Variants in UGGT2 observed in about 807,000 individuals in gnomAD.
The protein encoded by UGGT2 is UDP-glucose glycoprotein glucosyltransferase 2, also known as UDP-glucose:glycoprotein glucosyltransferase 2.
A neutral mutation model predicts 192.1 loss-of-function variants in UGGT2; 180 were observed. That is an observed-to-expected ratio of 0.94 (90% CI 0.83 to 1.06). UGGT2 has a LOEUF of 1.06. Among genes scored for constraint, UGGT2 ranks in the 50% least tolerant of loss-of-function variants. The probability of loss-of-function intolerance (pLI) is 0.00; values close to 1 mark genes in which losing one functional copy is unlikely to be tolerated. For synonymous variants in UGGT2, 580 were observed against 591.0 expected (o/e 0.98, Z 0.27); for missense variants, 1,849 against 1,795.7 (o/e 1.03, Z -0.54).
At chr13:95,884,406 T>C (rs776087997) in intron 27 of UGGT2, 85 bp downstream of exon 27, 19 of 1,087,224 alleles carry the variant, frequency 1.7e-5, no homozygotes, top group Non-Finnish European at 2.2e-5. Context: ...ATTCATAGTA[T>C]GATTGCTCAC....
chr13:96,026,105 AACTTACAT>A (rs1159776485), intron 2 of UGGT2, among the ~76,000 whole-genome samples: 1 of 152,152 alleles, frequency 6.6e-6, no homozygotes, highest in Admixed American at 6.5e-5. Flanking sequence ...AAAAATAATG[AACTTACAT>A]ACCTAAAACA....
intron 15 of UGGT2, among the ~76,000 whole-genome samples, chr13:95,943,936 C>T (rs974697008): frequency 2.6e-5 from 4 of 151,840 alleles, no homozygotes; most frequent in African/African-American, 7.3e-5. Context: ...CATAATAGTT[C>T]GCTAAACATT....
intron 10 of UGGT2, among the ~76,000 whole-genome samples, chr13:95,978,258 T>C (rs1288946299): frequency 1.3e-5 from 2 of 152,138 alleles, no homozygotes; most frequent in Admixed American, 6.5e-5. Flanking sequence ...CACTATCTCA[T>C]TGTGGTTTTG....
At chr13:96,034,938 A>G (rs954715990) in intron 1 of UGGT2, among the ~76,000 whole-genome samples, 3 of 152,220 alleles carry the variant, frequency 2.0e-5, no homozygotes, top group Admixed American at 2.0e-4. Context: ...CGAGTGGACA[A>G]AAGGAGCACA....
intron 1 of UGGT2, among the ~76,000 whole-genome samples, chr13:96,035,688 A>G (rs1379710018): frequency 6.6e-6 from 1 of 152,176 alleles, no homozygotes; most frequent in Non-Finnish European, 1.5e-5. Flanking sequence ...TGCAAAGTCT[A>G]TAAGGAACTT....
chr13:95,927,311 G>A lies in UGGT2; in HGVS notation c.2003C>T (p.Ala668Val). 1.9e-6 allele frequency: 3 copies of A among 1,607,696 alleles called. No individual in the cohort carries two copies. The highest frequency in any genetic ancestry group is 2.5e-6 in the Non-Finnish European group (3 of 1,178,312). ...FLGTLNDRTN[A>V]IDFLMDRNNV... ...ATTCCTATCCATTAGAAAATCAATT[G>A]CATTCGTGCGATCATTTAATGTGCC... Residue 668 changes from alanine to valine, a missense_variant, in exon 18 of 39, where the codon GCA becomes GTA. Transcript: ENST00000376747.
At chr13:95,836,019 C>T (rs1887238636) in intron 37 of UGGT2, among the ~76,000 whole-genome samples, 1 of 152,106 alleles carries the variant, frequency 6.6e-6, no homozygotes, top group Admixed American at 6.5e-5. Context: ...AATCCACAAA[C>T]ATTTTCAGCT....
At chr13:95,947,929 G>T in intron 14 of UGGT2, 67 bp downstream of exon 14, 1 of 1,352,684 alleles carries the variant, frequency 7.4e-7, no homozygotes, top group Non-Finnish European at 1.0e-6. Flanking sequence ...AATACTCTGT[G>T]TAACACAATA....
intron 38 of UGGT2, among the ~76,000 whole-genome samples, chr13:95,811,707 T>C (rs1305763596): frequency 2.6e-5 from 4 of 152,090 alleles, no homozygotes; most frequent in African/African-American, 7.2e-5. Context: ...GTAAAATGCA[T>C]TATAACAATA....
chr13:96,002,094 A>C lies in UGGT2; in HGVS notation c.661-2787T>G, dbSNP rs188558717. On this transcript the variant is annotated intron_variant, in intron 5 of 38. Coordinates refer to ENST00000376747, the MANE Select transcript of UGGT2 (RefSeq NM_020121.4). ...CAAAGTTATACATATATTTTTTAAC[A>C]ACATGAGGGGTCAGTATCTCTAACT... 1.6e-4 allele frequency among the ~76,000 whole-genome samples: 24 copies of C among 152,334 alleles called. No homozygotes were observed. The South Asian group carries it at 4.8e-3, about 30-fold the overall frequency.
intron 17 of UGGT2, among the ~76,000 whole-genome samples, chr13:95,928,999 C>A (rs2140454845): frequency 6.6e-6 from 1 of 152,306 alleles, no homozygotes. Flanking sequence ...TGGAGACCAG[C>A]CCGGCCAACA....
intron 20 of UGGT2, among the ~76,000 whole-genome samples, chr13:95,918,466 A>C (rs1040801766): frequency 1.2e-4 from 18 of 152,340 alleles, no homozygotes; most frequent in Admixed American, 1.0e-3. Context: ...CTCAATTAAA[A>C]GAACATGAGA....
At position 95,927,351 on chromosome 13, in the gene UGGT2, A is replaced by C; in HGVS notation, c.1978-15T>G. Reference sequence around the variant, plus strand: ...TTTAATGTGCCCTAAAAAAACAAAAATGTTATTTAGATAATACAGGCAATT... The same window carrying C: ...TTTAATGTGCCCTAAAAAAACAAAACTGTTATTTAGATAATACAGGCAATT... On this transcript the variant is annotated splice_polypyrimidine_tract_variant and intron_variant, in intron 17 of 38. Transcript: ENST00000376747. 6.3e-7 allele frequency: 1 copy of C among 1,589,542 alleles called. No individual in the cohort carries two copies.
chr13:95,924,393 C>CATTTTTTT (rs2048947934), intron 20 of UGGT2, among the ~76,000 whole-genome samples: 1 of 63,320 alleles, frequency 1.6e-5, no homozygotes, highest in African/African-American at 4.8e-5. Context: ...TCCCAAACAG[C>CATTTTTTT]TTTTTTTTTT....
chr13:95,866,214 A>T (rs1253515598), intron 30 of UGGT2, among the ~76,000 whole-genome samples: 3 of 152,218 alleles, frequency 2.0e-5, no homozygotes, highest in Non-Finnish European at 2.9e-5. Flanking sequence ...GTTCTACTTT[A>T]AAAAAATCTG....
chr13:96,008,258 G>C (rs77242515), intron 5 of UGGT2, among the ~76,000 whole-genome samples: 9,630 of 152,214 alleles, frequency 0.063, 572 homozygotes, highest in African/African-American at 0.15. Flanking sequence ...CCAATCCACA[G>C]AATGGGAGAA....
At chr13:95,878,871 A>T (rs2047415376) in intron 27 of UGGT2, among the ~76,000 whole-genome samples, 1 of 152,188 alleles carries the variant, frequency 6.6e-6, no homozygotes, top group Non-Finnish European at 1.5e-5. Context: ...TACTGGTTTT[A>T]AGAACAAAAA....
At chr13:95,928,380 C>T (rs914476431) in intron 17 of UGGT2, among the ~76,000 whole-genome samples, 4 of 84,768 alleles carry the variant, frequency 4.7e-5, no homozygotes, top group Admixed American at 1.5e-4. Flanking sequence ...CGGGCGGAGA[C>T]GCTCCTCACT....
At chr13:96,033,421 G>A (rs997326000) in intron 1 of UGGT2, among the ~76,000 whole-genome samples, 3 of 152,108 alleles carry the variant, frequency 2.0e-5, no homozygotes, top group Non-Finnish European at 4.4e-5. Context: ...CCCAGGTGCA[G>A]CTGTCCGGAC....
Sources: allele counts gnomAD v4.1 joint callset (sites outside exome capture counted in the v4.1 genomes callset), GRCh38; gene constraint gnomAD v4.1.1; transcripts MANE v1.5; gene names NCBI Gene and HGNC (gene_info 2026-07-23, HGNC 2026-07-21).